PKD2: variants seen among roughly 807,000 people sequenced by gnomAD.
The protein encoded by PKD2 is polycystin 2, transient receptor potential cation channel.
In PKD2, 48 loss-of-function variants were observed where a neutral mutation model predicts 105.9. The ratio of observed to expected loss-of-function variants is 0.45; its 90% CI spans 0.36 to 0.58. The LOEUF is 0.58. Among genes scored for constraint, PKD2 ranks in the 20% least tolerant of loss-of-function variants. PKD2 has a pLI of 0.00. For synonymous variants in PKD2, 464 were observed against 481.1 expected, an observed-to-expected ratio of 0.96 and a Z score of 0.46; for missense variants, 1,078 against 1,255.3, an observed-to-expected ratio of 0.86 and a Z score of 2.13.
rs1488737518 is a variant in PKD2 at position 88,058,041 on chromosome 4, A to C, written c.1957A>C (p.Asn653His). The change falls in exon 9 of 15, where the codon AAT becomes CAT. Residue 653 changes from asparagine to histidine, a missense_variant. Transcript: ENST00000237596. ...DINFAEIEEA[N>H]RVLGPIYFTT... is the part of the protein sequence containing the mutation. ...CAACTTTGCAGAGATTGAGGAAGCTAATCGAGTTTTGGGACCAATTTATTT... is the reference window on the plus strand; with the variant it reads ...CAACTTTGCAGAGATTGAGGAAGCTCATCGAGTTTTGGGACCAATTTATTT... 1.9e-6 allele frequency: 3 copies of C among 1,567,266 alleles called. No homozygotes were observed. Among genetic ancestry groups the C allele is most frequent in the Non-Finnish European group, 2.6e-6 (3 of 1,137,538 alleles).
intron 12 of PKD2, among the ~76,000 whole-genome samples, 157 bp from the exon 13 acceptor site, chr4:88,067,741 A>G (rs1720849398): frequency 6.6e-6 from 1 of 152,232 alleles, no homozygotes; most frequent in African/African-American, 2.4e-5. Context: ...TTGCCAATCT[A>G]TGAAACTGAA....
chr4:88,056,066 A>G lies in PKD2; in HGVS notation c.1717-20A>G, dbSNP rs1720317547. On this transcript the variant is annotated intron_variant, in intron 7 of 14. Transcript: ENST00000237596. ...ATTTTGTTTATCCATTCATCTATTGATGTCTTCTCTCTCTTACAGCTCTTC... is the reference window on the plus strand; with the variant it reads ...ATTTTGTTTATCCATTCATCTATTGGTGTCTTCTCTCTCTTACAGCTCTTC... 2.0e-6 allele frequency: 3 copies of G among 1,525,762 alleles called. No individual in the cohort carries two copies. Among genetic ancestry groups the G allele is most frequent in the African/African-American group, 2.7e-5 (2 of 73,212 alleles). 94.5% of individuals were successfully genotyped at this position (1,525,762 alleles called of 1,614,324 possible).
chr4:88,008,479 G>C (rs1347833923), intron 1 of PKD2, 151 bp downstream of exon 1: 1 of 1,035,166 alleles, frequency 9.7e-7, no homozygotes, highest in Non-Finnish European at 1.3e-6. Context: ...ACCTCCGCTA[G>C]TGCTGCCCTA....
At chr4:88,061,828 CATGTGTCATTTTT>C in intron 9 of PKD2, 65 bp from the exon 10 acceptor site, 1 of 765,762 alleles carries the variant, frequency 1.3e-6, no homozygotes, top group Non-Finnish European at 2.4e-6. Context: ...AACAAAAAGG[CATGTGTCATTTTT>C]TTGATTGATA....
In PKD2 at chr4:88,014,036, G is replaced by A. The variant is rs77212758; in HGVS notation, c.596-5422G>A. Among the ~76,000 whole-genome samples, 45 of 152,270 alleles carry A rather than the reference G, an allele frequency of 3.0e-4. No individual in the cohort carries two copies. In the East Asian group the frequency reaches 7.9e-3, roughly 27 times the overall value. ...GGCTGACAGACTAGGTCAGGAGAGG[G>A]CTGACCAAGAGGAGGAGGGGTGACG... On this transcript the variant is annotated intron_variant, in intron 1 of 14. Transcript: ENST00000237596.
At position 88,043,350 on chromosome 4, in the gene PKD2, A is replaced by G; in HGVS notation, c.1212A>G (p.Ala404=). Residue 404 remains alanine (A), a synonymous_variant, in exon 5 of 15, where the codon GCA becomes GCG. Coordinates refer to ENST00000237596, the MANE Select transcript of PKD2 (RefSeq NM_000297.4). ...CAAGAACAAGAGAGGAAACAGCTGC[A>G]CAAGTTGCTAGCCTCAAGAAAAATG... ...DLSRTREETA[A]QVASLKKNVW... is the part of the protein sequence containing the mutation. 1.2e-6 allele frequency: 2 copies of G among 1,614,016 alleles called. No individual in the cohort carries two copies. Among genetic ancestry groups the G allele is most frequent in the Non-Finnish European group, 1.7e-6 (2 of 1,179,910 alleles).
In PKD2 at chr4:88,007,642, G is replaced by A. The variant is rs1334424840; in HGVS notation, c.-92G>A. The A allele has an allele frequency of 4.8e-6, 4 of 835,654 alleles. No homozygotes were observed. The Admixed American group carries it at 1.7e-4, about 36-fold the overall frequency. The allele number at this position is 835,654 out of a possible 1,614,324, so 51.8% of individuals were successfully genotyped here. On this transcript the variant is annotated 5_prime_UTR_variant, in exon 1 of 15. Coordinates refer to ENST00000237596, the MANE Select transcript of PKD2 (RefSeq NM_000297.4). ...AGGTCGGGGGCGGGGAGCAGGCGGCGGCGGGCGCCGGGAAGAAAGGAACAT... is the reference window on the plus strand; with the variant it reads ...AGGTCGGGGGCGGGGAGCAGGCGGCAGCGGGCGCCGGGAAGAAAGGAACAT...
At chr4:88,053,543 G>A (rs761350146) in intron 7 of PKD2, among the ~76,000 whole-genome samples, 2 of 151,850 alleles carry the variant, frequency 1.3e-5, no homozygotes, top group Non-Finnish European at 2.9e-5. Flanking sequence ...TGTAGTCCTA[G>A]CTACTTAGGA....
At chr4:88,018,588 G>A (rs1049951485) in intron 1 of PKD2, among the ~76,000 whole-genome samples, 1 of 152,166 alleles carries the variant, frequency 6.6e-6, no homozygotes, top group Non-Finnish European at 1.5e-5. Flanking sequence ...CCAGCAATGT[G>A]ACTTTACCAC....
At chr4:88,037,656 A>G (rs1455094336) in intron 3 of PKD2, among the ~76,000 whole-genome samples, 1 of 152,208 alleles carries the variant, frequency 6.6e-6, no homozygotes, top group Non-Finnish European at 1.5e-5. Flanking sequence ...TCTGACAAGG[A>G]TAGCACACTG....
At chr4:88,021,265 G>A (rs1462867833) in intron 2 of PKD2, among the ~76,000 whole-genome samples, 9 of 152,146 alleles carry the variant, frequency 5.9e-5, no homozygotes, top group Middle Eastern at 3.2e-3. Flanking sequence ...GTGGTTTTCC[G>A]AGATCTACTA....
chr4:88,014,838 G>C (rs1034223644), intron 1 of PKD2, among the ~76,000 whole-genome samples: 2 of 152,220 alleles, frequency 1.3e-5, no homozygotes, highest in African/African-American at 2.4e-5. Context: ...TGAAGCTACA[G>C]ACAGGCCTCT....
chr4:88,059,431 G>C (rs1466333352), intron 9 of PKD2, among the ~76,000 whole-genome samples: 1 of 152,140 alleles, frequency 6.6e-6, no homozygotes, highest in Non-Finnish European at 1.5e-5. Context: ...GGAATTGAGA[G>C]TCCTGCACCT....
intron 9 of PKD2, 128 bp from the exon 10 acceptor site, chr4:88,061,778 T>C: frequency 4.9e-6 from 2 of 406,754 alleles, no homozygotes; most frequent in Non-Finnish European, 8.9e-6. Flanking sequence ...ATAATAAATT[T>C]ATGTCTTCAT....
chr4:88,045,643 C>T (rs1560613365), intron 5 of PKD2, among the ~76,000 whole-genome samples: 2 of 152,104 alleles, frequency 1.3e-5, no homozygotes, highest in Non-Finnish European at 2.9e-5. Context: ...CTCAGTGTGA[C>T]ACCTACAAAA....
intron 10 of PKD2, among the ~76,000 whole-genome samples, chr4:88,062,684 T>C (rs1720620390): frequency 6.6e-6 from 1 of 152,254 alleles, no homozygotes; most frequent in African/African-American, 2.4e-5. Flanking sequence ...ACACAGTTTG[T>C]TTCCCAACAT....
In PKD2 at chr4:88,075,478, C is replaced by G. The variant is rs768026014; in HGVS notation, c.2691C>G (p.Asp897Glu). The G allele has an allele frequency of 8.1e-6, 13 of 1,613,972 alleles. No homozygotes were observed. The South Asian group carries it at 1.4e-4, about 18-fold the overall frequency. ...GVAEDERLGR[D>E]SEIHREQMER... ...TTTAGGATGAAAGGCTGGGTCGTGA[C>G]AGTGAAATCCATAGGGAACAGATGG... Residue 897 changes from aspartate to glutamate, a missense_variant, in exon 15 of 15, where the codon GAC (aspartate) becomes GAG (glutamate). This residue lies in a region of PKD2 where 868 missense variants were observed against 1,067.3 expected (regional missense o/e 0.81). Transcript: ENST00000237596.
rs1311873173 is a variant in PKD2, at chr4:88,061,929, T to C, written c.2043T>C (p.Asn681=). 6.4e-7 allele frequency: 1 copy of C among 1,561,078 alleles called. No homozygotes were observed. The highest frequency in any genetic ancestry group is 2.2e-5 in the East Asian group (1 of 44,460). ...AGAATATGTTTTTGGCTATCATCAA[T>C]GATACTTACTCTGAAGTGAAATCTG... ...ILLNMFLAII[N]DTYSEVKSDL... The change falls in exon 10 of 15, where the codon AAT becomes AAC. Residue 681 remains asparagine (N), a synonymous_variant. Coordinates refer to ENST00000237596, the MANE Select transcript of PKD2 (RefSeq NM_000297.4).
intron 7 of PKD2, among the ~76,000 whole-genome samples, chr4:88,053,268 A>T (rs1246343377): frequency 6.6e-6 from 1 of 152,204 alleles, no homozygotes; most frequent in Admixed American, 6.5e-5. Flanking sequence ...CCATCATCAC[A>T]GAACGTTCTC....
Sources: allele counts gnomAD v4.1 joint callset (sites outside exome capture counted in the v4.1 genomes callset), GRCh38; gene constraint gnomAD v4.1.1; regional missense constraint gnomAD v4.1.1; transcripts MANE v1.5; gene names NCBI Gene and HGNC (gene_info 2026-07-23, HGNC 2026-07-21).